The following SGCD variants were observed in gnomAD, a reference collection of about 807,000 sequenced individuals.
SGCD encodes sarcoglycan delta.
In SGCD, 18 loss-of-function variants were observed where a neutral mutation model predicts 36.6. The observed-to-expected ratio is 0.49, with a 90% CI of 0.34 to 0.73. SGCD has a LOEUF of 0.73. Ranked by LOEUF, SGCD falls within the 30% of genes least tolerant of loss-of-function variation. SGCD has a pLI of 0.01. For missense variants in SGCD, 387 were observed against 346.7 expected, an observed-to-expected ratio of 1.12 and a Z score of -0.92; for synonymous variants, 133 against 130.6, an observed-to-expected ratio of 1.02 and a Z score of -0.12.
intron 7 of SGCD, among the ~76,000 whole-genome samples, chr5:156,755,174 A>T (rs1012765364): frequency 1.3e-5 from 2 of 152,180 alleles, no homozygotes; most frequent in Non-Finnish European, 2.9e-5. Context: ...TGGCCACTCC[A>T]TGGCTTGATT....
At chr5:156,507,561 T>G (rs1756753724) in intron 3 of SGCD, among the ~76,000 whole-genome samples, 1 of 152,214 alleles carries the variant, frequency 6.6e-6, no homozygotes, top group African/African-American at 2.4e-5. Context: ...TTTCCTAGGA[T>G]ATAGTCTTTC....
intron 3 of SGCD, among the ~76,000 whole-genome samples, chr5:156,421,697 G>T (rs535671932): frequency 6.6e-6 from 1 of 152,046 alleles, no homozygotes; most frequent in Non-Finnish European, 1.5e-5. Flanking sequence ...GTAAATGAGC[G>T]CTTTTAGCAG....
At chr5:156,688,827 C>T (rs1443343378) in intron 7 of SGCD, among the ~76,000 whole-genome samples, 2 of 152,228 alleles carry the variant, frequency 1.3e-5, no homozygotes, top group Non-Finnish European at 2.9e-5. Flanking sequence ...CAAAAACCTA[C>T]CAGGGCTATC....
At chr5:156,591,933 C>G (rs1271933130) in intron 5 of SGCD, among the ~76,000 whole-genome samples, 2 of 152,152 alleles carry the variant, frequency 1.3e-5, no homozygotes, top group Non-Finnish European at 2.9e-5. Context: ...GCTAAAACTA[C>G]CAATTACTGA....
intron 1 of SGCD, among the ~76,000 whole-genome samples, chr5:156,084,406 T>A (rs1038185519): frequency 6.6e-6 from 1 of 152,182 alleles, no homozygotes; most frequent in Non-Finnish European, 1.5e-5. Context: ...TCATTGTTGG[T>A]ATATAGAAAT....
chr5:156,038,768 CTG>C (rs1450180583), intron 1 of SGCD, among the ~76,000 whole-genome samples: 3 of 152,166 alleles, frequency 2.0e-5, no homozygotes, highest in Non-Finnish European at 4.4e-5. Context: ...GATCTTTGCA[CTG>C]TGTTTCTAGA....
chr5:155,810,665 T>A, the SGCD span, among the ~76,000 whole-genome samples: 1 of 152,006 alleles, frequency 6.6e-6, no homozygotes, highest in Admixed American at 6.6e-5. Flanking sequence ...TGAGAAAACA[T>A]TCACCTGATG....
chr5:156,283,308 G>A (rs901448635), intron 3 of SGCD, among the ~76,000 whole-genome samples: 1 of 152,088 alleles, frequency 6.6e-6, no homozygotes, highest in Non-Finnish European at 1.5e-5. Flanking sequence ...TGCTTTCCTT[G>A]CCCCAAATTG....
intron 3 of SGCD, among the ~76,000 whole-genome samples, chr5:156,212,825 C>A (rs1764479898): frequency 6.6e-6 from 1 of 151,890 alleles, no homozygotes; most frequent in Non-Finnish European, 1.5e-5. Context: ...TGGCCTGAAA[C>A]TAGAAATCAA....
At chr5:156,308,168 T>A (rs1402765043) in intron 3 of SGCD, among the ~76,000 whole-genome samples, 2 of 152,146 alleles carry the variant, frequency 1.3e-5, no homozygotes, top group Non-Finnish European at 2.9e-5. Flanking sequence ...GAAAAGAGGT[T>A]TAATTGACTC....
intron 2 of SGCD, among the ~76,000 whole-genome samples, chr5:156,118,329 C>T (rs540995139): frequency 6.6e-6 from 1 of 152,140 alleles, no homozygotes; most frequent in East Asian, 1.9e-4. Flanking sequence ...GGAAATCATA[C>T]ATACTCTTAC....
chr5:155,816,013 C>T, the SGCD span, among the ~76,000 whole-genome samples: 1 of 152,174 alleles, frequency 6.6e-6, no homozygotes, highest in Non-Finnish European at 1.5e-5. Flanking sequence ...ATATACTGAG[C>T]TTTCCCTGCA....
chr5:156,091,645 A>G (rs1390555615), intron 1 of SGCD, among the ~76,000 whole-genome samples: 1 of 152,228 alleles, frequency 6.6e-6, no homozygotes, highest in Admixed American at 6.5e-5. Flanking sequence ...GCTATCACCC[A>G]AGGTTGGGTT....
chr5:156,007,472 T>A (rs1735028214), intron 1 of SGCD, among the ~76,000 whole-genome samples: 1 of 152,214 alleles, frequency 6.6e-6, no homozygotes, highest in African/African-American at 2.4e-5. Flanking sequence ...TGTCTGAATT[T>A]CCTTCCAGAA....
intron 3 of SGCD, among the ~76,000 whole-genome samples, chr5:156,297,116 G>A (rs899849155): frequency 5.3e-5 from 8 of 151,722 alleles, no homozygotes; most frequent in African/African-American, 1.7e-4. Context: ...TGGGGTATTC[G>A]TCACCTCAAG....
chr5:156,385,947 G>A (rs1184421110), intron 3 of SGCD, among the ~76,000 whole-genome samples: 1 of 152,134 alleles, frequency 6.6e-6, no homozygotes, highest in African/African-American at 2.4e-5. Flanking sequence ...TGGAGATGTA[G>A]GAAAAGTAAA....
At position 156,136,224 on chromosome 5, in the gene SGCD, C is replaced by T. The variant is rs148230536; in HGVS notation, c.-44+12205C>T. 2.4e-3 allele frequency among the ~76,000 whole-genome samples: 370 copies of T among 152,200 alleles called. 1 individual carries two copies. The highest frequency in any genetic ancestry group is 8.6e-3 in the African/African-American group (359 of 41,534). On this transcript the variant is annotated intron_variant, in intron 3 of 9. Coordinates refer to the SGCD transcript ENST00000517913. ...GCCTCTTGGGCTCAAGTGATTCTCTCGCCTCAGCTTCCTGAGTACCTGGGA... is the reference window on the plus strand; with the variant it reads ...GCCTCTTGGGCTCAAGTGATTCTCTTGCCTCAGCTTCCTGAGTACCTGGGA...
chr5:156,148,004 G>T (rs1233252426), intron 3 of SGCD, among the ~76,000 whole-genome samples: 1 of 152,184 alleles, frequency 6.6e-6, no homozygotes, highest in African/African-American at 2.4e-5. Flanking sequence ...GCTAAGAAAT[G>T]GTGCCACTTG....
At chr5:156,079,306 A>G (rs913970010) in intron 1 of SGCD, among the ~76,000 whole-genome samples, 4 of 152,166 alleles carry the variant, frequency 2.6e-5, no homozygotes, top group Non-Finnish European at 4.4e-5. Context: ...TGATGATCAC[A>G]TTCAACATGA....
Sources: gnomAD v4.1 joint callset for allele counts (sites outside exome capture counted in the v4.1 genomes callset) on GRCh38, gnomAD v4.1.1 for gene constraint, MANE v1.5 for transcripts, NCBI Gene and HGNC (gene_info 2026-07-23, HGNC 2026-07-21) for gene names.